The following NRG3 variants were observed in gnomAD, a reference collection of about 807,000 sequenced individuals.
NRG3 encodes pro-neuregulin-3, membrane-bound isoform.
Under a neutral mutation model 66.9 loss-of-function variants are expected in NRG3, and 31 were observed. That is an observed-to-expected ratio of 0.46 (90% CI 0.35 to 0.63). The LOEUF is 0.63. Among genes scored for constraint, NRG3 ranks in the 20% least tolerant of loss-of-function variants. The pLI is 0.00. For synonymous variants in NRG3, 393 were observed against 359.4 expected (o/e 1.09, Z -1.06); for missense variants, 910 against 878.9 (o/e 1.04, Z -0.45).
At chr10:82,713,135 A>AG (rs1428922651) in intron 2 of NRG3, among the ~76,000 whole-genome samples, 1 of 147,614 alleles carries the variant, frequency 6.8e-6, no homozygotes, top group East Asian at 2.0e-4. Flanking sequence ...AAAAAAAAAA[A>AG]AAAAAAAAAA....
rs563186684 is a variant in NRG3, at chr10:82,941,768, A to G, written c.1055-9701A>G. On this transcript the variant is annotated intron_variant, in intron 4 of 8. Transcript: ENST00000372141. ...GTTCGTTATTGAATATTGTTGTATTATGATGACTTTTGCTTCTCTATGTAG... is the reference window on the plus strand; with the variant it reads ...GTTCGTTATTGAATATTGTTGTATTGTGATGACTTTTGCTTCTCTATGTAG... Among the ~76,000 whole-genome samples the G allele has an allele frequency of 2.1e-4, 32 of 152,326 alleles. No homozygotes were observed. In the South Asian group the frequency reaches 6.6e-3, roughly 32 times the overall value.
intron 1 of NRG3, among the ~76,000 whole-genome samples, chr10:82,025,222 TATA>T (rs985196135): frequency 2.0e-5 from 3 of 150,650 alleles, no homozygotes; most frequent in South Asian, 2.1e-4. Flanking sequence ...ATATATTTCT[TATA>T]ATATTAAATA....
At chr10:82,013,618 A>G (rs1036621845) in intron 1 of NRG3, among the ~76,000 whole-genome samples, 1 of 152,122 alleles carries the variant, frequency 6.6e-6, no homozygotes, top group African/African-American at 2.4e-5. Flanking sequence ...TCAACGTCGT[A>G]TGTTTTTTTT....
chr10:82,068,250 T>C (rs1015399872), intron 1 of NRG3, among the ~76,000 whole-genome samples: 1 of 152,192 alleles, frequency 6.6e-6, no homozygotes, highest in Admixed American at 6.5e-5. Context: ...ACAATTAGTA[T>C]TTAGTGTCTC....
intron 1 of NRG3, among the ~76,000 whole-genome samples, chr10:82,145,990 C>A (rs531608735): frequency 6.6e-6 from 1 of 152,200 alleles, no homozygotes; most frequent in African/African-American, 2.4e-5. Flanking sequence ...TTGAGGTGAA[C>A]ATTGTGATAA....
intron 3 of NRG3, among the ~76,000 whole-genome samples, chr10:82,813,016 A>G (rs569375320): frequency 2.0e-5 from 3 of 152,318 alleles, no homozygotes; most frequent in Admixed American, 1.3e-4. Context: ...AGCAACAGAA[A>G]GACATTTTCA....
intron 1 of NRG3, among the ~76,000 whole-genome samples, chr10:82,113,477 C>G (rs2132269815): frequency 6.6e-6 from 1 of 152,246 alleles, no homozygotes; most frequent in African/African-American, 2.4e-5. Context: ...CCGTGTGATA[C>G]TGCTGATATC....
At chr10:82,568,732 G>A (rs1264491797) in intron 2 of NRG3, among the ~76,000 whole-genome samples, 3 of 151,752 alleles carry the variant, frequency 2.0e-5, no homozygotes, top group South Asian at 2.1e-4. Flanking sequence ...TTCAAATTAC[G>A]TTTATTGGAT....
chr10:82,607,081 C>G (rs1470185927), intron 2 of NRG3, among the ~76,000 whole-genome samples: 1 of 152,148 alleles, frequency 6.6e-6, no homozygotes, highest in East Asian at 1.9e-4. Context: ...GCTGCAACTC[C>G]CACTGTTTCA....
intron 2 of NRG3, among the ~76,000 whole-genome samples, chr10:82,416,258 C>T (rs781398369): frequency 2.0e-5 from 3 of 152,168 alleles, no homozygotes; most frequent in Non-Finnish European, 4.4e-5. Context: ...AACTGAGAGC[C>T]ACCCTGTAGG....
At chr10:82,341,126 C>T (rs2082665054) in intron 1 of NRG3, among the ~76,000 whole-genome samples, 2 of 151,668 alleles carry the variant, frequency 1.3e-5, no homozygotes, top group Admixed American at 1.3e-4. Flanking sequence ...CTATGTATGC[C>T]CAAAATTTAA....
intron 2 of NRG3, among the ~76,000 whole-genome samples, chr10:82,521,858 G>T (rs1846220542): frequency 6.6e-6 from 1 of 151,950 alleles, no homozygotes; most frequent in Non-Finnish European, 1.5e-5. Flanking sequence ...TTCAACAATG[G>T]TCACAGAGTC....
intron 2 of NRG3, among the ~76,000 whole-genome samples, chr10:82,561,333 C>G (rs1365210557): frequency 6.6e-6 from 1 of 152,128 alleles, no homozygotes; most frequent in Non-Finnish European, 1.5e-5. Flanking sequence ...AGTATGCCAT[C>G]ATTTTTACCT....
intron 3 of NRG3, among the ~76,000 whole-genome samples, chr10:82,848,693 T>C (rs2063423511): frequency 6.6e-6 from 1 of 152,152 alleles, no homozygotes; most frequent in African/African-American, 2.4e-5. Flanking sequence ...AATTTCATCT[T>C]GAACCGTAGT....
intron 3 of NRG3, among the ~76,000 whole-genome samples, chr10:82,857,738 TTTTA>T (rs2063888880): frequency 6.6e-6 from 1 of 152,238 alleles, no homozygotes; most frequent in African/African-American, 2.4e-5. Context: ...ACATTCCACT[TTTTA>T]TTTGTGAAGA....
At chr10:82,788,075 C>T (rs932484863) in intron 3 of NRG3, among the ~76,000 whole-genome samples, 1 of 152,102 alleles carries the variant, frequency 6.6e-6, no homozygotes, top group African/African-American at 2.4e-5. Flanking sequence ...AGCAACTGTA[C>T]TTCATATATT....
intron 2 of NRG3, among the ~76,000 whole-genome samples, chr10:82,417,432 G>T (rs143742061): frequency 6.6e-6 from 1 of 152,328 alleles, no homozygotes; most frequent in Non-Finnish European, 1.5e-5. Flanking sequence ...TGCAAGGCCA[G>T]TGCAGCAGAG....
chr10:81,901,704 TA>T (rs1460209831), intron 1 of NRG3, among the ~76,000 whole-genome samples: 3 of 152,196 alleles, frequency 2.0e-5, no homozygotes, highest in African/African-American at 7.2e-5. Flanking sequence ...ATAGCTTATG[TA>T]TCTGAAAACC....
At chr10:82,448,866 A>T (rs542544908) in intron 2 of NRG3, among the ~76,000 whole-genome samples, 1 of 152,194 alleles carries the variant, frequency 6.6e-6, no homozygotes, top group African/African-American at 2.4e-5. Context: ...AACATTGACT[A>T]TCCCATTTGT....
Sources: gnomAD v4.1 joint callset for allele counts (sites outside exome capture counted in the v4.1 genomes callset) on GRCh38, gnomAD v4.1.1 for gene constraint, MANE v1.5 for transcripts, NCBI Gene and HGNC (gene_info 2026-07-23, HGNC 2026-07-21) for gene names.